The following CNTNAP2 variants were observed in gnomAD, a reference collection of about 807,000 sequenced individuals.
CNTNAP2 encodes contactin-associated protein-like 2.
In CNTNAP2, 98 loss-of-function variants were observed where a neutral mutation model predicts 155.2. That is an observed-to-expected ratio of 0.63 (90% CI 0.54 to 0.75). The LOEUF is 0.75. CNTNAP2 is among the 30% of genes least tolerant of loss of function. The pLI is 0.00. For synonymous variants in CNTNAP2, 651 were observed against 631.2 expected (o/e 1.03, Z -0.47); for missense variants, 1,727 against 1,688.1 (o/e 1.02, Z -0.40).
rs1798278787 is a variant in CNTNAP2, at chr7:148,344,023, T to C, written c.3476-39626T>C. On this transcript the variant is annotated intron_variant, in intron 21 of 23. Transcript: ENST00000361727. ...CTGGGCTACAGCCAATTGATCACAA[T>C]CTAATGATACCCCTAGGAGTGCCTT... 2.0e-5 allele frequency among the ~76,000 whole-genome samples: 3 copies of C among 152,148 alleles called. No homozygotes were observed. In the South Asian group the frequency reaches 6.2e-4, roughly 31 times the overall value.
intron 1 of CNTNAP2, among the ~76,000 whole-genome samples, chr7:146,712,268 T>A (rs1314342435): frequency 5.9e-5 from 8 of 136,014 alleles, no homozygotes; most frequent in Admixed American, 3.6e-4. Flanking sequence ...TATACATATC[T>A]TATGTATACA....
intron 1 of CNTNAP2, among the ~76,000 whole-genome samples, chr7:146,510,104 C>A (rs113346157): frequency 0.052 from 7,840 of 152,200 alleles, 665 homozygotes; most frequent in African/African-American, 0.18. Context: ...GAACAGGTGG[C>A]AGGCAGCTGA....
intron 21 of CNTNAP2, among the ~76,000 whole-genome samples, chr7:148,374,213 T>C (rs1376272424): frequency 1.3e-5 from 2 of 152,080 alleles, no homozygotes; most frequent in Non-Finnish European, 2.9e-5. Flanking sequence ...TTTCTTCTCT[T>C]GGGTAAGATA....
At chr7:146,542,715 G>A (rs1050454684) in intron 1 of CNTNAP2, among the ~76,000 whole-genome samples, 4 of 151,964 alleles carry the variant, frequency 2.6e-5, no homozygotes, top group Non-Finnish European at 4.4e-5. Context: ...ATACCAGGAA[G>A]ATTAGAGAGA....
intron 15 of CNTNAP2, among the ~76,000 whole-genome samples, chr7:148,115,430 G>T (rs1269371467): frequency 6.6e-6 from 1 of 152,198 alleles, no homozygotes; most frequent in African/African-American, 2.4e-5. Context: ...TGGGGATACA[G>T]CCTAAAGAGA....
At chr7:147,408,945 C>A (rs1444558782) in intron 10 of CNTNAP2, among the ~76,000 whole-genome samples, 1 of 152,000 alleles carries the variant, frequency 6.6e-6, no homozygotes, top group Non-Finnish European at 1.5e-5. Context: ...AAGGAAATAT[C>A]CAAGGTATTT....
chr7:146,210,635 C>T (rs1033924644), intron 1 of CNTNAP2, among the ~76,000 whole-genome samples: 6 of 152,080 alleles, frequency 3.9e-5, no homozygotes, highest in Non-Finnish European at 5.9e-5. Context: ...TTTCCACCAC[C>T]GGTTACCAGG....
At chr7:147,639,341 A>C in intron 13 of CNTNAP2, 35 bp downstream of exon 13, 6 of 1,595,010 alleles carry the variant, frequency 3.8e-6, no homozygotes, top group Non-Finnish European at 5.1e-6. Flanking sequence ...TTTAATCACT[A>C]TCTCAGCTGG....
At chr7:148,212,062 G>A (rs1191378274) in intron 18 of CNTNAP2, among the ~76,000 whole-genome samples, 2 of 152,014 alleles carry the variant, frequency 1.3e-5, no homozygotes, top group African/African-American at 2.4e-5. Flanking sequence ...ATTTAACTTG[G>A]AGAAGAGAAA....
intron 4 of CNTNAP2, among the ~76,000 whole-genome samples, chr7:147,104,648 A>G (rs1472379693): frequency 1.3e-5 from 2 of 150,920 alleles, no homozygotes; most frequent in Non-Finnish European, 3.0e-5. Context: ...ATACTTTTTA[A>G]TTTTTTCAAA....
chr7:146,774,841 G>A (rs1802359884), intron 2 of CNTNAP2, among the ~76,000 whole-genome samples: 1 of 152,118 alleles, frequency 6.6e-6, no homozygotes, highest in South Asian at 2.1e-4. Flanking sequence ...TACCCAGAAT[G>A]TAGCTCTATT....
At chr7:147,938,912 G>C (rs1011270674) in intron 14 of CNTNAP2, among the ~76,000 whole-genome samples, 5 of 152,150 alleles carry the variant, frequency 3.3e-5, no homozygotes, top group Non-Finnish European at 7.3e-5. Flanking sequence ...ACTCATCACA[G>C]AGTCCTTCTG....
chr7:146,249,835 A>C (rs1294895649), intron 1 of CNTNAP2, among the ~76,000 whole-genome samples: 1 of 152,222 alleles, frequency 6.6e-6, no homozygotes. Flanking sequence ...AATGTCAAGA[A>C]AGACTTAGAT....
chr7:146,827,521 G>A (rs1803430196), intron 2 of CNTNAP2, among the ~76,000 whole-genome samples: 1 of 150,102 alleles, frequency 6.7e-6, no homozygotes, highest in Non-Finnish European at 1.5e-5. Flanking sequence ...TTTTATATCA[G>A]AGAGAATAAC....
chr7:148,340,783 C>T (rs1288625536), intron 21 of CNTNAP2, among the ~76,000 whole-genome samples: 1 of 152,146 alleles, frequency 6.6e-6, no homozygotes, highest in African/African-American at 2.4e-5. Context: ...TATTGAGAGG[C>T]GTCTCCACCT....
At chr7:146,488,279 CCCTCCCTCCCTCCCTCCCTCCCTT>C (rs1797087209) in intron 1 of CNTNAP2, among the ~76,000 whole-genome samples, 1 of 104,258 alleles carries the variant, frequency 9.6e-6, no homozygotes, top group African/African-American at 4.1e-5. Context: ...CTCCCCTCCT[CCCTCCCTCCCTCCCTCCCTCCCTT>C]CCTCCCTCCC....
At chr7:146,774,204 C>A in intron 1 of CNTNAP2, 67 bp from the exon 2 acceptor site, 2 of 1,123,240 alleles carry the variant, frequency 1.8e-6, no homozygotes, top group Non-Finnish European at 2.7e-6. Flanking sequence ...TTTTAACCAA[C>A]ACATACCAAT....
At chr7:147,570,393 A>T (rs963959689) in intron 12 of CNTNAP2, among the ~76,000 whole-genome samples, 1 of 152,230 alleles carries the variant, frequency 6.6e-6, no homozygotes, top group Non-Finnish European at 1.5e-5. Context: ...GAGTAACAAC[A>T]GTGCCATATT....
intron 3 of CNTNAP2, among the ~76,000 whole-genome samples, chr7:147,018,771 G>T (rs1486135966): frequency 6.6e-6 from 1 of 151,950 alleles, no homozygotes; most frequent in Admixed American, 6.6e-5. Flanking sequence ...ATAAAGAGCC[G>T]CTATGTTCTA....
Sources: gnomAD v4.1 joint callset for allele counts (sites outside exome capture counted in the v4.1 genomes callset) on GRCh38, gnomAD v4.1.1 for gene constraint, MANE v1.5 for transcripts, NCBI Gene and HGNC (gene_info 2026-07-23, HGNC 2026-07-21) for gene names.